DOK5: variants seen among roughly 807,000 people sequenced by gnomAD.
The protein encoded by DOK5 is downstream of tyrosine kinase 5.
DOK5 carries 27 observed loss-of-function variants against 43.3 expected under a neutral mutation model. The observed-to-expected ratio is 0.62, with a 90% CI of 0.46 to 0.86. The LOEUF is 0.86. DOK5 is among the 40% of genes least tolerant of loss of function. The pLI, the probability that DOK5 is intolerant of heterozygous loss-of-function variation, is 0.00. For synonymous variants in DOK5, 146 were observed against 140.1 expected (o/e 1.04, Z -0.30); for missense variants, 373 against 392.9 (o/e 0.95, Z 0.43).
At position 54,599,643 on chromosome 20, in the gene DOK5, C is replaced by G. The variant is rs193023685; in HGVS notation, c.599+7838C>G. Among the ~76,000 whole-genome samples, 4 of 152,260 alleles carry G rather than the reference C, an allele frequency of 2.6e-5. No homozygotes were observed. The East Asian group carries it at 7.7e-4, about 29-fold the overall frequency. On this transcript the variant is annotated intron_variant, in intron 5 of 7. Transcript: ENST00000262593. Reference sequence around the variant, plus strand: ...GCAAAATTCTTGAAAGAAAGGATGACTTTTTTCTGACCTTTGAGGCAAAAT... The same window carrying G: ...GCAAAATTCTTGAAAGAAAGGATGAGTTTTTTCTGACCTTTGAGGCAAAAT...
chr20:54,506,866 C>A (rs145378847), intron 1 of DOK5, among the ~76,000 whole-genome samples: 1 of 152,164 alleles, frequency 6.6e-6, no homozygotes, highest in Admixed American at 6.5e-5. Flanking sequence ...GGCGATCATA[C>A]GCGAGGTCAC....
At chr20:54,540,010 G>A (rs1236557744) in intron 1 of DOK5, among the ~76,000 whole-genome samples, 1 of 152,192 alleles carries the variant, frequency 6.6e-6, no homozygotes, top group Non-Finnish European at 1.5e-5. Context: ...AGTGAAGTAG[G>A]AAGTGGTGGG....
At chr20:54,629,302 T>C (rs1978455238) in intron 6 of DOK5, among the ~76,000 whole-genome samples, 1 of 152,220 alleles carries the variant, frequency 6.6e-6, no homozygotes, top group Non-Finnish European at 1.5e-5. Context: ...GTGAATAGAA[T>C]ACTGTGCAAG....
intron 2 of DOK5, among the ~76,000 whole-genome samples, chr20:54,573,360 G>T (rs1328782079): frequency 6.6e-6 from 1 of 152,072 alleles, no homozygotes; most frequent in Non-Finnish European, 1.5e-5. Context: ...ATTTCAGTTG[G>T]GCTTTAAAGA....
chr20:54,497,701 T>G (rs897622239), intron 1 of DOK5, among the ~76,000 whole-genome samples: 4 of 152,166 alleles, frequency 2.6e-5, no homozygotes, highest in African/African-American at 9.6e-5. Flanking sequence ...TGTAGGAAAA[T>G]GAAGAAAGGA....
At chr20:54,614,668 T>G (rs2037246864) in intron 6 of DOK5, among the ~76,000 whole-genome samples, 1 of 152,246 alleles carries the variant, frequency 6.6e-6, no homozygotes, top group South Asian at 2.1e-4. Flanking sequence ...GAAAATAATG[T>G]CACTTGCTCT....
At chr20:54,645,165 A>G (rs1979347681) in intron 7 of DOK5, among the ~76,000 whole-genome samples, 1 of 152,034 alleles carries the variant, frequency 6.6e-6, no homozygotes, top group Non-Finnish European at 1.5e-5. Flanking sequence ...GACTACACGT[A>G]GTTTACGTGC....
chr20:54,553,071 A>G (rs1227793830), intron 1 of DOK5, among the ~76,000 whole-genome samples: 1 of 152,230 alleles, frequency 6.6e-6, no homozygotes, highest in African/African-American at 2.4e-5. Flanking sequence ...AATATACAAA[A>G]CCACATATAT....
At chr20:54,598,443 A>C (rs1351162190) in intron 5 of DOK5, among the ~76,000 whole-genome samples, 2 of 152,216 alleles carry the variant, frequency 1.3e-5, no homozygotes, top group East Asian at 3.8e-4. Context: ...TAACTGCAGC[A>C]AAATCTCCCT....
intron 5 of DOK5, among the ~76,000 whole-genome samples, chr20:54,595,041 G>A (rs1986094082): frequency 6.6e-6 from 1 of 152,176 alleles, no homozygotes; most frequent in South Asian, 2.1e-4. Flanking sequence ...TGATGTAATT[G>A]TGTTAATAGT....
chr20:54,482,069 A>C (rs928079422), intron 1 of DOK5, among the ~76,000 whole-genome samples: 1 of 152,258 alleles, frequency 6.6e-6, no homozygotes, highest in Non-Finnish European at 1.5e-5. Flanking sequence ...ACTTAGTACA[A>C]GTACCAAATG....
chr20:54,494,917 C>T (rs140833075), intron 1 of DOK5: 1 of 151,752 alleles, frequency 6.6e-6, no homozygotes, highest in Non-Finnish European at 1.5e-5. Flanking sequence ...ATCTGCAACT[C>T]TAGACCAACC....
intron 6 of DOK5, among the ~76,000 whole-genome samples, chr20:54,612,709 T>A (rs570922918): frequency 6.6e-6 from 1 of 152,358 alleles, no homozygotes; most frequent in South Asian, 2.1e-4. Flanking sequence ...TTGGTGTATA[T>A]ATCCTATTTA....
intron 2 of DOK5, among the ~76,000 whole-genome samples, chr20:54,575,909 G>A (rs1161232783): frequency 6.6e-6 from 1 of 152,182 alleles, no homozygotes; most frequent in Non-Finnish European, 1.5e-5. Context: ...CTTAATAATT[G>A]TTCATCCTAA....
chr20:54,607,588 TA>T (rs1242794656), intron 5 of DOK5, among the ~76,000 whole-genome samples: 1 of 152,132 alleles, frequency 6.6e-6, no homozygotes, highest in Non-Finnish European at 1.5e-5. Context: ...TTATGTTTCT[TA>T]AAAGTGGGCA....
intron 1 of DOK5, among the ~76,000 whole-genome samples, chr20:54,477,312 T>C (rs1981472662): frequency 6.6e-6 from 1 of 152,194 alleles, no homozygotes; most frequent in Non-Finnish European, 1.5e-5. Context: ...CATCCGCAAT[T>C]ATTATAAAAC....
intron 5 of DOK5, among the ~76,000 whole-genome samples, chr20:54,609,181 T>A (rs1024796471): frequency 1.3e-5 from 2 of 152,072 alleles, no homozygotes; most frequent in African/African-American, 4.8e-5. Flanking sequence ...CTAAAAAAAA[T>A]AACAGTGGTT....
chr20:54,604,861 C>T (rs113419955), intron 5 of DOK5, among the ~76,000 whole-genome samples: 8,873 of 151,856 alleles, frequency 0.058, 299 homozygotes, highest in Middle Eastern at 0.095. Flanking sequence ...ATTACCCAGG[C>T]GTGGTGGCAG....
chr20:54,620,671 C>T (rs1210667953), intron 6 of DOK5, among the ~76,000 whole-genome samples: 3 of 152,028 alleles, frequency 2.0e-5, no homozygotes, highest in African/African-American at 7.3e-5. Context: ...AAATTAAATC[C>T]ACACATCTTT....
Sources: gnomAD v4.1 joint callset for allele counts (sites outside exome capture counted in the v4.1 genomes callset) on GRCh38, gnomAD v4.1.1 for gene constraint, MANE v1.5 for transcripts, NCBI Gene and HGNC (gene_info 2026-07-23, HGNC 2026-07-21) for gene names.